The following SLC44A5 variants were observed in gnomAD, a reference collection of about 807,000 sequenced individuals.
SLC44A5 encodes solute carrier family 44 member 5, also known as choline transporter-like protein 5.
A neutral mutation model predicts 101.8 loss-of-function variants in SLC44A5; 57 were observed. The observed-to-expected ratio is 0.56, with a 90% CI of 0.45 to 0.70. SLC44A5 has a LOEUF of 0.70. SLC44A5 is among the 30% of genes least tolerant of loss of function. The probability of loss-of-function intolerance (pLI) is 0.00; values close to 1 mark genes in which losing one functional copy is unlikely to be tolerated. For synonymous variants in SLC44A5, 281 were observed against 290.9 expected (o/e 0.97, Z 0.35); for missense variants, 737 against 853.1 (o/e 0.86, Z 1.70).
At chr1:75,449,524 C>T (rs1047824970) in intron 2 of SLC44A5, among the ~76,000 whole-genome samples, 5 of 152,178 alleles carry the variant, frequency 3.3e-5, no homozygotes, top group Middle Eastern at 3.4e-3. Flanking sequence ...TTGGACTTTG[C>T]GGGAATCTTC....
intron 23 of SLC44A5, among the ~76,000 whole-genome samples, chr1:75,208,835 C>T (rs1646798613): frequency 6.6e-6 from 1 of 152,112 alleles, no homozygotes; most frequent in Admixed American, 6.6e-5. Flanking sequence ...GATGATGAAT[C>T]TCAGTACCTT....
intron 4 of SLC44A5, among the ~76,000 whole-genome samples, chr1:75,314,386 A>G (rs1024990198): frequency 3.3e-5 from 5 of 152,158 alleles, no homozygotes; most frequent in Non-Finnish European, 7.4e-5. Context: ...TCATATTTTG[A>G]TGTAAAAAGC....
At chr1:75,583,534 T>C (rs1182351223) in intron 1 of SLC44A5, among the ~76,000 whole-genome samples, 1 of 152,184 alleles carries the variant, frequency 6.6e-6, no homozygotes, top group East Asian at 1.9e-4. Flanking sequence ...TGCTGACTCC[T>C]TCCTTGTTGC....
At chr1:75,568,643 T>C (rs566006628) in intron 1 of SLC44A5, among the ~76,000 whole-genome samples, 1 of 152,206 alleles carries the variant, frequency 6.6e-6, no homozygotes, top group Non-Finnish European at 1.5e-5. Flanking sequence ...TCTTCTTCCA[T>C]ATTTCTCAAA....
At chr1:75,265,264 C>G (rs755524170) in intron 6 of SLC44A5, among the ~76,000 whole-genome samples, 3 of 152,090 alleles carry the variant, frequency 2.0e-5, no homozygotes, top group Non-Finnish European at 4.4e-5. Flanking sequence ...GTGAGGCCAG[C>G]ATTACTTTGA....
At chr1:75,322,448 G>T (rs988855263) in intron 4 of SLC44A5, among the ~76,000 whole-genome samples, 5 of 151,692 alleles carry the variant, frequency 3.3e-5, no homozygotes, top group African/African-American at 4.8e-5. Context: ...TTTCAAATTA[G>T]CACGGTGATC....
At chr1:75,461,228 A>C (rs1363663220) in intron 2 of SLC44A5, among the ~76,000 whole-genome samples, 1 of 152,236 alleles carries the variant, frequency 6.6e-6, no homozygotes, top group Non-Finnish European at 1.5e-5. Context: ...TTAATTCCAC[A>C]GATAATCGAG....
intron 13 of SLC44A5, among the ~76,000 whole-genome samples, chr1:75,226,082 C>T (rs1227523848): frequency 6.6e-6 from 1 of 152,018 alleles, no homozygotes; most frequent in South Asian, 2.1e-4. Flanking sequence ...GATGCAATTC[C>T]CTGATCCTGA....
At chr1:75,320,006 T>C (rs997330459) in intron 4 of SLC44A5, among the ~76,000 whole-genome samples, 2 of 152,152 alleles carry the variant, frequency 1.3e-5, no homozygotes, top group African/African-American at 4.8e-5. Flanking sequence ...CCATCTTCAC[T>C]CTGATCCTTT....
At chr1:75,525,475 C>T (rs1269472657) in intron 2 of SLC44A5, among the ~76,000 whole-genome samples, 3 of 151,984 alleles carry the variant, frequency 2.0e-5, no homozygotes, top group Non-Finnish European at 4.4e-5. Flanking sequence ...CAGAAGAAAT[C>T]AGACAAATCC....
intron 2 of SLC44A5, among the ~76,000 whole-genome samples, chr1:75,429,186 A>G (rs1463158900): frequency 1.3e-5 from 2 of 152,208 alleles, no homozygotes; most frequent in African/African-American, 2.4e-5. Flanking sequence ...CTAAAAGAAT[A>G]CCTGGAATGT....
At chr1:75,590,067 C>T (rs547377369) in intron 1 of SLC44A5, among the ~76,000 whole-genome samples, 44 of 152,054 alleles carry the variant, frequency 2.9e-4, no homozygotes, top group Non-Finnish European at 3.5e-4. Context: ...GGGGGGCACA[C>T]GACGTACTGA....
intron 2 of SLC44A5, among the ~76,000 whole-genome samples, chr1:75,510,906 G>T (rs1557860897): frequency 6.6e-6 from 1 of 152,212 alleles, no homozygotes; most frequent in Non-Finnish European, 1.5e-5. Context: ...ACTTTGGGAG[G>T]CCGAGGCAGG....
chr1:75,461,992 C>A (rs943293505), intron 2 of SLC44A5, among the ~76,000 whole-genome samples: 3 of 152,234 alleles, frequency 2.0e-5, no homozygotes, highest in Non-Finnish European at 2.9e-5. Context: ...GCAGGCCTGG[C>A]TGACTTTGCC....
At chr1:75,282,809 G>T (rs1235451089) in intron 5 of SLC44A5, among the ~76,000 whole-genome samples, 1 of 152,082 alleles carries the variant, frequency 6.6e-6, no homozygotes, top group Non-Finnish European at 1.5e-5. Context: ...CACCATGATT[G>T]TAAGTTTCCT....
At chr1:75,545,014 C>A (rs1671568361) in intron 1 of SLC44A5, among the ~76,000 whole-genome samples, 2 of 152,106 alleles carry the variant, frequency 1.3e-5, no homozygotes, top group Admixed American at 1.3e-4. Flanking sequence ...CCTAGCCCCC[C>A]ACCCTCCAAA....
intron 3 of SLC44A5, among the ~76,000 whole-genome samples, chr1:75,383,712 A>G (rs1661079698): frequency 6.6e-6 from 1 of 152,208 alleles, no homozygotes; most frequent in South Asian, 2.1e-4. Flanking sequence ...AGAACGCCAC[A>G]GAGATACTCC....
the SLC44A5 span, among the ~76,000 whole-genome samples, chr1:75,636,112 C>G: frequency 6.6e-6 from 1 of 152,020 alleles, no homozygotes; most frequent in Non-Finnish European, 1.5e-5. Context: ...TCATTTCACT[C>G]TCTACATCCA....
intron 2 of SLC44A5, among the ~76,000 whole-genome samples, chr1:75,503,386 G>A (rs889936438): frequency 6.6e-6 from 1 of 151,998 alleles, no homozygotes; most frequent in South Asian, 2.1e-4. Flanking sequence ...TAGCCAGTGA[G>A]TTCTCACGAG....
Sources: allele counts gnomAD v4.1 joint callset (sites outside exome capture counted in the v4.1 genomes callset), GRCh38; gene constraint gnomAD v4.1.1; transcripts MANE v1.5; gene names NCBI Gene and HGNC (gene_info 2026-07-23, HGNC 2026-07-21).